ARHGEF10L: variants seen among roughly 807,000 people sequenced by gnomAD.
ARHGEF10L encodes Rho guanine nucleotide exchange factor 10 like.
In ARHGEF10L, 69 loss-of-function variants were observed where a neutral mutation model predicts 141.2. The observed-to-expected ratio is 0.49, with a 90% CI of 0.40 to 0.60. The LOEUF is 0.60. Among genes scored for constraint, ARHGEF10L ranks in the 20% least tolerant of loss-of-function variants. The probability of loss-of-function intolerance (pLI) is 0.00; values close to 1 mark genes in which losing one functional copy is unlikely to be tolerated. For missense variants in ARHGEF10L, 1,482 were observed against 1,734.3 expected, an observed-to-expected ratio of 0.85 and a Z score of 2.58; for synonymous variants, 711 against 718.5, an observed-to-expected ratio of 0.99 and a Z score of 0.17.
the ARHGEF10L span, among the ~76,000 whole-genome samples, chr1:17,516,346 C>T: frequency 6.6e-6 from 1 of 152,242 alleles, no homozygotes; most frequent in Non-Finnish European, 1.5e-5. Flanking sequence ...CTTTGCAGGG[C>T]CCGCTGGGGG....
chr1:17,610,500 G>T (rs1049280739), intron 7 of ARHGEF10L, among the ~76,000 whole-genome samples: 2 of 152,212 alleles, frequency 1.3e-5, no homozygotes, highest in African/African-American at 4.8e-5. Flanking sequence ...TGATCAGCAG[G>T]CTCCTAGGGA....
intron 25 of ARHGEF10L, among the ~76,000 whole-genome samples, chr1:17,663,572 A>C (rs976532079): frequency 1.3e-5 from 2 of 149,116 alleles, no homozygotes; most frequent in East Asian, 2.0e-4. Flanking sequence ...AAAAAAAAAC[A>C]AAAAAAAACC....
intron 6 of ARHGEF10L, among the ~76,000 whole-genome samples, chr1:17,605,513 T>G (rs2081087425): frequency 6.6e-6 from 1 of 152,232 alleles, no homozygotes. Flanking sequence ...ACAAGAGTTC[T>G]GTGACTCTGT....
chr1:17,587,715 G>T, intron 3 of ARHGEF10L, 70 bp downstream of exon 3: 2 of 1,493,340 alleles, frequency 1.3e-6, no homozygotes, highest in South Asian at 1.3e-5. Flanking sequence ...GAAGCTCCAG[G>T]CTCTCAGGGA....
At chr1:17,588,935 G>A (rs893053674) in intron 4 of ARHGEF10L, among the ~76,000 whole-genome samples, 1 of 130,816 alleles carries the variant, frequency 7.6e-6, no homozygotes, top group African/African-American at 2.8e-5. Flanking sequence ...GGGTGGGGGG[G>A]GTGCAGCCCA....
At chr1:17,593,060 C>T (rs982910990) in intron 4 of ARHGEF10L, among the ~76,000 whole-genome samples, 9 of 152,142 alleles carry the variant, frequency 5.9e-5, no homozygotes, top group Admixed American at 4.6e-4. Flanking sequence ...GATCCCAGGC[C>T]CTTTGAGGAC....
At chr1:17,538,318 G>A (rs1398117866), upstream of ARHGEF10L, among the ~76,000 whole-genome samples, 1 of 152,152 alleles carries the variant, frequency 6.6e-6, no homozygotes, top group Non-Finnish European at 1.5e-5. Flanking sequence ...TTCACAGCAG[G>A]GCAGGGGCCG....
At chr1:17,544,560 G>C (rs772511666) in intron 1 of ARHGEF10L, among the ~76,000 whole-genome samples, 1 of 152,074 alleles carries the variant, frequency 6.6e-6, no homozygotes. Context: ...CTCCCAAAGT[G>C]CTGGGATTAC....
intron 19 of ARHGEF10L, 103 bp downstream of exon 19, chr1:17,638,106 C>G: frequency 9.8e-7 from 1 of 1,022,518 alleles, no homozygotes; most frequent in Non-Finnish European, 1.4e-6. Context: ...GGCCCATGTC[C>G]CCGATGTGCT....
chr1:17,524,095 G>A, the ARHGEF10L span, among the ~76,000 whole-genome samples: 5 of 152,052 alleles, frequency 3.3e-5, no homozygotes, highest in South Asian at 2.1e-4. Flanking sequence ...TGAACATGGC[G>A]AAACCTCATC....
In ARHGEF10L at chr1:17,619,476, T is replaced by TGGGGGGGGTGG; in HGVS notation, c.942+32_942+33insGGGGGGGTGGG. ...TGGGGGAGTGGGGCAGGTGGGGGTC[T>TGGGGGGGGTGG]GCAGGGGAAGGGGTGGCTTGGGGGT... On this transcript the variant is annotated intron_variant, in intron 10 of 28. Transcript: ENST00000361221. The surrounding 1 kb of genome is among the most constrained non-coding windows in gnomAD (Gnocchi z 5.0). 1 of 1,265,082 alleles carries TGGGGGGGGTGG rather than the reference T, an allele frequency of 7.9e-7. No individual in the cohort carries two copies. Among genetic ancestry groups the TGGGGGGGGTGG allele is most frequent in the Non-Finnish European group, 1.1e-6 (1 of 931,168 alleles). 78.4% of individuals were successfully genotyped at this position (1,265,082 alleles called of 1,614,324 possible). A position where few individuals can be genotyped will look rare whatever the true frequency, so the allele number is the denominator to read the frequency against.
chr1:17,552,571 G>GTTTTTTT (rs34766409), intron 1 of ARHGEF10L, among the ~76,000 whole-genome samples: 7 of 44,924 alleles, frequency 1.6e-4, no homozygotes, highest in African/African-American at 2.3e-4. Flanking sequence ...GCTAATTTTC[G>GTTTTTTT]TTTTTTTTTT....
At position 17,625,588 on chromosome 1, in the gene ARHGEF10L, C is replaced by T. The variant is rs2060336989; in HGVS notation, c.1318-368C>T. On this transcript the variant is annotated intron_variant, in intron 13 of 28. Coordinates refer to ENST00000361221, the MANE Select transcript of ARHGEF10L (RefSeq NM_018125.4). This position sits in a 1 kb window ranked among gnomAD's most constrained non-coding sequence, Gnocchi z 4.5. ...GACAGGACAGAAGGTCCCCCTGTGC[C>T]CCGCCCCTTACCCTAGCCCAAATCT... Among the ~76,000 whole-genome samples the T allele has an allele frequency of 6.6e-6, 1 of 152,118 alleles. No individual in the cohort carries two copies. Among genetic ancestry groups the T allele is most frequent in the Non-Finnish European group, 1.5e-5 (1 of 68,018 alleles).
chr1:17,552,300 A>G lies in ARHGEF10L; in HGVS notation c.-44+12350A>G, dbSNP rs137951657. Among the ~76,000 whole-genome samples the G allele has an allele frequency of 5.0e-3, 762 of 152,322 alleles. 4 individuals are homozygous for G. Among genetic ancestry groups the G allele is most frequent in the African/African-American group, 0.017 (725 of 41,564 alleles). ...CTGCAGTCTTGGTTCCCTCGCCTGT[A>G]GAGATAATATGAAATGTGACCAATA... On this transcript the variant is annotated intron_variant, in intron 1 of 28. Coordinates refer to ENST00000361221, the MANE Select transcript of ARHGEF10L (RefSeq NM_018125.4).
the ARHGEF10L span, among the ~76,000 whole-genome samples, chr1:17,520,417 C>A: frequency 6.6e-6 from 1 of 152,262 alleles, no homozygotes; most frequent in Admixed American, 6.5e-5. Flanking sequence ...GTCACTTGTG[C>A]TCCCTTCCCG....
chr1:17,603,696 A>G lies in ARHGEF10L; in HGVS notation c.433+105A>G, dbSNP rs989323808. 4 of 1,011,742 alleles carry G rather than the reference A, an allele frequency of 4.0e-6. No homozygotes were observed. In the African/African-American group the frequency reaches 5.0e-5, roughly 13 times the overall value. 62.7% of individuals were successfully genotyped at this position (1,011,742 alleles called of 1,614,324 possible). On this transcript the variant is annotated intron_variant, in intron 6 of 28. Transcript: ENST00000361221. This position sits in a 1 kb window ranked among gnomAD's most constrained non-coding sequence, Gnocchi z 4.8. The stretch of plus-strand genomic sequence containing the variant: ...GTTTCCTTCTGTCCCCACCTGGCCA[A>G]GTGCCCCTCCTTCTTGTCTTTAGAA...
intron 2 of ARHGEF10L, among the ~76,000 whole-genome samples, chr1:17,586,000 CA>C (rs1369280362): frequency 1.3e-5 from 2 of 152,196 alleles, no homozygotes; most frequent in African/African-American, 4.8e-5. Context: ...TTTTACCCTC[CA>C]GGGGGACATA....
intron 2 of ARHGEF10L, among the ~76,000 whole-genome samples, chr1:17,581,409 T>C (rs1457138114): frequency 6.6e-6 from 1 of 151,866 alleles, no homozygotes; most frequent in African/African-American, 2.4e-5. Flanking sequence ...GTCTGTGTCC[T>C]GTATGTTATT....
chr1:17,616,622 C>T (rs1212187794), intron 9 of ARHGEF10L, among the ~76,000 whole-genome samples: 1 of 152,238 alleles, frequency 6.6e-6, no homozygotes, highest in Non-Finnish European at 1.5e-5. Context: ...CATGCAGGGA[C>T]CCACGATGCA....
Sources: allele counts gnomAD v4.1 joint callset (sites outside exome capture counted in the v4.1 genomes callset), GRCh38; gene constraint gnomAD v4.1.1; non-coding constraint Gnocchi (gnomAD v3.1); transcripts MANE v1.5; gene names NCBI Gene and HGNC (gene_info 2026-07-23, HGNC 2026-07-21).